Variants in ADARB2 observed in about 807,000 individuals in gnomAD.
The protein encoded by ADARB2 is inactive double-stranded RNA-specific editase B2.
A neutral mutation model predicts 62.2 loss-of-function variants in ADARB2; 25 were observed. That is an observed-to-expected ratio of 0.40 (90% CI 0.29 to 0.56). ADARB2 has a LOEUF of 0.56. Among genes scored for constraint, ADARB2 ranks in the 20% least tolerant of loss-of-function variants. ADARB2 has a pLI of 0.43. For missense variants in ADARB2, 1,071 were observed against 1,077.4 expected, an observed-to-expected ratio of 0.99 and a Z score of 0.08; for synonymous variants, 572 against 500.8, an observed-to-expected ratio of 1.14 and a Z score of -1.90.
intron 1 of ADARB2, among the ~76,000 whole-genome samples, chr10:1,510,117 T>TTTC (rs1798418289): frequency 1.1e-5 from 1 of 93,820 alleles, no homozygotes; most frequent in African/African-American, 4.5e-5. Flanking sequence ...TCTCTCTTTC[T>TTTC]TTCTTTCTTT....
At chr10:1,708,258 G>A (rs1294292875) in intron 1 of ADARB2, among the ~76,000 whole-genome samples, 1 of 152,130 alleles carries the variant, frequency 6.6e-6, no homozygotes, top group Non-Finnish European at 1.5e-5. Context: ...TGCAGGAGAG[G>A]TGAGAAGATC....
intron 1 of ADARB2, among the ~76,000 whole-genome samples, chr10:1,642,305 C>T (rs144861281): frequency 2.7e-4 from 41 of 151,720 alleles, no homozygotes; most frequent in African/African-American, 8.8e-4. Flanking sequence ...ATGAACAATC[C>T]ACCCAAATCC....
At chr10:1,281,923 T>A (rs1831374525) in intron 3 of ADARB2, among the ~76,000 whole-genome samples, 3 of 152,246 alleles carry the variant, frequency 2.0e-5, no homozygotes, top group Non-Finnish European at 4.4e-5. Context: ...AGCAAAAATT[T>A]AAAAAACTTT....
intron 1 of ADARB2, among the ~76,000 whole-genome samples, chr10:1,686,751 A>G (rs1834601309): frequency 6.6e-6 from 1 of 152,176 alleles, no homozygotes; most frequent in Admixed American, 6.5e-5. Context: ...CAAGAATAAT[A>G]TGATATCACT....
At chr10:1,419,809 C>G (rs748352928) in intron 1 of ADARB2, among the ~76,000 whole-genome samples, 2 of 152,168 alleles carry the variant, frequency 1.3e-5, no homozygotes, top group African/African-American at 2.4e-5. Flanking sequence ...CACATCACAT[C>G]GGAGGGATTC....
At chr10:1,584,867 G>A (rs56016511) in intron 1 of ADARB2, among the ~76,000 whole-genome samples, 39,483 of 152,102 alleles carry the variant, frequency 0.26, 5,446 homozygotes, top group Non-Finnish European at 0.32. Context: ...GCTACATCCT[G>A]TAGGAGTCCA....
At chr10:1,289,334 C>T (rs930269301) in intron 3 of ADARB2, among the ~76,000 whole-genome samples, 6 of 152,354 alleles carry the variant, frequency 3.9e-5, no homozygotes, top group East Asian at 1.9e-4. Context: ...AGCTGTGCTC[C>T]GACCACACTG....
intron 3 of ADARB2, among the ~76,000 whole-genome samples, chr10:1,278,953 A>G (rs1292657301): frequency 6.6e-6 from 1 of 152,220 alleles, no homozygotes; most frequent in African/African-American, 2.4e-5. Flanking sequence ...GACTGCGTGT[A>G]TGGATAAGTG....
In ADARB2 at chr10:1,726,198, C is replaced by A. The variant is rs551272683; in HGVS notation, c.100+10853G>T. ...AGAATTTTATTTATTCTCTACAGTG[C>A]GGTTGGGTGTAGCCTCTACATATGT... On this transcript the variant is annotated intron_variant, in intron 1 of 9. Coordinates refer to ENST00000381312, the MANE Select transcript of ADARB2 (RefSeq NM_018702.4). 1.4e-4 allele frequency among the ~76,000 whole-genome samples: 22 copies of A among 152,230 alleles called. No individual in the cohort carries two copies. The South Asian group carries it at 4.6e-3, about 32-fold the overall frequency.
intron 1 of ADARB2, among the ~76,000 whole-genome samples, chr10:1,420,697 G>C (rs1388625193): frequency 6.6e-6 from 1 of 151,958 alleles, no homozygotes; most frequent in African/African-American, 2.4e-5. Flanking sequence ...GACAGAGAGG[G>C]AGCCGCTGCC....
At chr10:1,399,686 G>A (rs998939256) in intron 1 of ADARB2, among the ~76,000 whole-genome samples, 3 of 152,196 alleles carry the variant, frequency 2.0e-5, no homozygotes, top group Admixed American at 6.5e-5. Context: ...TCTTTCCTAC[G>A]TTCAGGGTTT....
intron 1 of ADARB2, among the ~76,000 whole-genome samples, chr10:1,402,569 T>G (rs1002379993): frequency 6.6e-5 from 10 of 152,272 alleles, no homozygotes; most frequent in African/African-American, 2.4e-4. Flanking sequence ...AGACGGCTGA[T>G]GGAGGGGCTC....
At chr10:1,339,497 C>T (rs906266801) in intron 3 of ADARB2, among the ~76,000 whole-genome samples, 2 of 152,252 alleles carry the variant, frequency 1.3e-5, no homozygotes, top group African/African-American at 4.8e-5. Flanking sequence ...TTGCCTCTCA[C>T]ATCCCTACGT....
chr10:1,494,426 A>G (rs1831663196), intron 1 of ADARB2, among the ~76,000 whole-genome samples: 3 of 152,204 alleles, frequency 2.0e-5, no homozygotes, highest in African/African-American at 7.2e-5. Flanking sequence ...AACCTGTTTG[A>G]TTACTAAAGC....
intron 1 of ADARB2, among the ~76,000 whole-genome samples, chr10:1,585,887 G>T (rs1257761542): frequency 6.6e-6 from 1 of 152,064 alleles, no homozygotes; most frequent in African/African-American, 2.4e-5. Context: ...ACAAAAAACT[G>T]GCTGGGTGGG....
chr10:1,521,638 T>C (rs543361273), intron 1 of ADARB2, among the ~76,000 whole-genome samples: 1 of 152,246 alleles, frequency 6.6e-6, no homozygotes, highest in South Asian at 2.1e-4. Context: ...ATCTGCATGA[T>C]AAAACTTCGA....
intron 4 of ADARB2, among the ~76,000 whole-genome samples, chr10:1,267,261 G>A (rs1213649839): frequency 6.6e-6 from 1 of 152,146 alleles, no homozygotes; most frequent in Non-Finnish European, 1.5e-5. Context: ...AAAATACTGA[G>A]GGAAAATAAT....
intron 1 of ADARB2, among the ~76,000 whole-genome samples, chr10:1,539,331 A>G (rs1046218073): frequency 2.6e-5 from 4 of 152,172 alleles, no homozygotes; most frequent in Non-Finnish European, 5.9e-5. Context: ...TAAGCCTTGC[A>G]GGTGTTAGGC....
chr10:1,513,555 G>C (rs964098906), intron 1 of ADARB2, among the ~76,000 whole-genome samples: 2 of 152,192 alleles, frequency 1.3e-5, no homozygotes, highest in African/African-American at 4.8e-5. Context: ...TCTCATGATG[G>C]AGCGCGCTGG....
Sources: gnomAD v4.1 joint callset for allele counts (sites outside exome capture counted in the v4.1 genomes callset) on GRCh38, gnomAD v4.1.1 for gene constraint, MANE v1.5 for transcripts, NCBI Gene and HGNC (gene_info 2026-07-23, HGNC 2026-07-21) for gene names.